Variants in NTRK2 observed in about 807,000 individuals in gnomAD.
NTRK2 encodes the protein BDNF/NT-3 growth factors receptor.
Under a neutral mutation model 94.5 loss-of-function variants are expected in NTRK2, and 13 were observed. The ratio of observed to expected loss-of-function variants is 0.14; its 90% CI spans 0.09 to 0.22. The LOEUF is 0.22. NTRK2 is among the 10% of genes least tolerant of loss of function. The probability of loss-of-function intolerance (pLI) is 1.00; values close to 1 mark genes in which losing one functional copy is unlikely to be tolerated. For synonymous variants in NTRK2, 372 were observed against 407.4 expected (o/e 0.91, Z 1.05); for missense variants, 639 against 1,071.2 (o/e 0.60, Z 5.63).
chr9:84,975,915 C>T (rs1208340780), intron 17 of NTRK2, among the ~76,000 whole-genome samples: 1 of 152,016 alleles, frequency 6.6e-6, no homozygotes, highest in Non-Finnish European at 1.5e-5. Flanking sequence ...AGCATAGGTC[C>T]CTATGCCCCC....
chr9:84,705,079 A>T (rs1203206735), intron 4 of NTRK2, among the ~76,000 whole-genome samples: 2 of 152,148 alleles, frequency 1.3e-5, no homozygotes, highest in African/African-American at 4.8e-5. Flanking sequence ...TACCCCTGGG[A>T]TATACTGATG....
At chr9:84,784,774 C>G (rs2067960017) in intron 12 of NTRK2, among the ~76,000 whole-genome samples, 1 of 152,118 alleles carries the variant, frequency 6.6e-6, no homozygotes, top group Non-Finnish European at 1.5e-5. Context: ...TGTTGGTCAA[C>G]TAATTCATGC....
chr9:84,674,141 A>G (rs1401931902), intron 2 of NTRK2, among the ~76,000 whole-genome samples: 2 of 152,068 alleles, frequency 1.3e-5, no homozygotes, highest in Non-Finnish European at 2.9e-5. Context: ...TACATAACCT[A>G]AAATGTACCA....
chr9:84,783,789 G>A (rs1000144701), intron 12 of NTRK2, among the ~76,000 whole-genome samples: 1 of 152,044 alleles, frequency 6.6e-6, no homozygotes, highest in Admixed American at 6.6e-5. Context: ...AACGGGGGTA[G>A]AGAATTGGGA....
chr9:84,986,260 A>G (rs1478500693), intron 17 of NTRK2, among the ~76,000 whole-genome samples: 1 of 151,976 alleles, frequency 6.6e-6, no homozygotes, highest in Non-Finnish European at 1.5e-5. Flanking sequence ...AGCATTCCCC[A>G]ACTTTTTTGG....
chr9:84,924,590 C>T (rs1318675897), intron 14 of NTRK2, among the ~76,000 whole-genome samples: 1 of 152,136 alleles, frequency 6.6e-6, no homozygotes, highest in African/African-American at 2.4e-5. Context: ...TTTGGCTGTT[C>T]GGGGATGTCA....
intron 12 of NTRK2, among the ~76,000 whole-genome samples, chr9:84,788,772 A>G (rs969338284): frequency 9.2e-5 from 14 of 152,130 alleles, no homozygotes; most frequent in African/African-American, 3.4e-4. Flanking sequence ...GATGTTAGGT[A>G]GAAGAGGGCT....
In NTRK2 at chr9:84,719,164, G is replaced by A. The variant is rs1239549508; in HGVS notation, c.584-4409G>A. ...GGATATGTACAGCTCGGGAGGTAGT[G>A]GTGAAGACCCTGACCTTTGAGTTCA... On this transcript the variant is annotated intron_variant, in intron 6 of 18. Coordinates refer to ENST00000277120, the MANE Select transcript of NTRK2 (RefSeq NM_006180.6). 2.0e-5 allele frequency among the ~76,000 whole-genome samples: 3 copies of A among 152,128 alleles called. No homozygotes were observed. In the South Asian group the frequency reaches 6.2e-4, roughly 32 times the overall value.
At chr9:84,846,025 C>G (rs568528382) in intron 12 of NTRK2, among the ~76,000 whole-genome samples, 2 of 152,048 alleles carry the variant, frequency 1.3e-5, no homozygotes, top group African/African-American at 2.4e-5. Context: ...CCAAAAATGG[C>G]TCTTATAATT....
intron 12 of NTRK2, among the ~76,000 whole-genome samples, chr9:84,799,981 A>G (rs954332761): frequency 3.9e-5 from 6 of 152,182 alleles, no homozygotes; most frequent in Non-Finnish European, 7.3e-5. Context: ...AATTGACTGA[A>G]TCTTCTGAAG....
At chr9:84,805,040 T>G (rs1278042735) in intron 12 of NTRK2, among the ~76,000 whole-genome samples, 1 of 152,218 alleles carries the variant, frequency 6.6e-6, no homozygotes. Flanking sequence ...AGTCTTTGGA[T>G]GCATTCCCCA....
intron 12 of NTRK2, among the ~76,000 whole-genome samples, chr9:84,820,196 G>A (rs538114284): frequency 1.0e-4 from 14 of 137,870 alleles, no homozygotes; most frequent in East Asian, 4.1e-4. Flanking sequence ...TGGTGACAGC[G>A]TCTTGCTCTG....
At chr9:84,763,830 A>ATT (rs58194416) in intron 12 of NTRK2, among the ~76,000 whole-genome samples, 11 of 146,002 alleles carry the variant, frequency 7.5e-5, no homozygotes, top group Middle Eastern at 3.5e-3. Flanking sequence ...CATGCGTTGC[A>ATT]TTTTTTTTTT....
intron 15 of NTRK2, among the ~76,000 whole-genome samples, chr9:84,941,141 T>A (rs2078394771): frequency 6.6e-6 from 1 of 152,246 alleles, no homozygotes; most frequent in South Asian, 2.1e-4. Flanking sequence ...TGTCTGTGAT[T>A]GTCTTTATTA....
rs2074251389 is a variant in NTRK2, at chr9:84,842,651, G to A, written c.1397-18389G>A. ...TCCCATCTCCCTGGGGCTGATTTCAGTGATGGTTGGGGCTTCCCTCCGTAT... is the reference window on the plus strand; with the variant it reads ...TCCCATCTCCCTGGGGCTGATTTCAATGATGGTTGGGGCTTCCCTCCGTAT... On this transcript the variant is annotated intron_variant, in intron 12 of 18. Transcript: ENST00000277120. 3.9e-5 allele frequency among the ~76,000 whole-genome samples: 6 copies of A among 152,178 alleles called. No individual in the cohort carries two copies. In the South Asian group the frequency reaches 1.2e-3, roughly 32 times the overall value.
chr9:84,803,050 G>A (rs1487999719), intron 12 of NTRK2, among the ~76,000 whole-genome samples: 1 of 152,130 alleles, frequency 6.6e-6, no homozygotes, highest in Non-Finnish European at 1.5e-5. Flanking sequence ...TAATGCCCCA[G>A]GTGGACTGAC....
chr9:84,722,031 A>C (rs1279334484), intron 6 of NTRK2, among the ~76,000 whole-genome samples: 1 of 152,192 alleles, frequency 6.6e-6, no homozygotes, highest in Non-Finnish European at 1.5e-5. Context: ...AAACACATTG[A>C]GAAAAACAAC....
At chr9:84,684,858 A>C (rs1234994266) in intron 2 of NTRK2, among the ~76,000 whole-genome samples, 5 of 152,136 alleles carry the variant, frequency 3.3e-5, no homozygotes, top group African/African-American at 1.2e-4. Flanking sequence ...AAAATAATAA[A>C]ATTTGTACTT....
At chr9:84,877,881 A>C in intron 14 of NTRK2, 1 of 1,028,014 alleles carries the variant, frequency 9.7e-7, no homozygotes, top group Non-Finnish European at 1.2e-6. Flanking sequence ...ATACCAATAA[A>C]GACAAGACTG....
Sources: gnomAD v4.1 joint callset for allele counts (sites outside exome capture counted in the v4.1 genomes callset) on GRCh38, gnomAD v4.1.1 for gene constraint, MANE v1.5 for transcripts, NCBI Gene and HGNC (gene_info 2026-07-23, HGNC 2026-07-21) for gene names.